Variants in CSRNP3 observed in about 807,000 individuals in gnomAD.
CSRNP3 encodes cysteine and serine rich nuclear protein 3.
Under a neutral mutation model 48.0 loss-of-function variants are expected in CSRNP3, and 12 were observed. That is an observed-to-expected ratio of 0.25 (90% CI 0.16 to 0.41). The LOEUF (loss-of-function observed/expected upper bound fraction) is 0.41, where lower values mean the gene tolerates loss of function less well. CSRNP3 is among the 10% of genes least tolerant of loss of function. The pLI is 1.00. For missense variants in CSRNP3, 580 were observed against 724.4 expected (o/e 0.80, Z 2.29); for synonymous variants, 263 against 269.7 (o/e 0.98, Z 0.24).
intron 3 of CSRNP3, among the ~76,000 whole-genome samples, chr2:165,544,146 G>A (rs1684993509): frequency 6.6e-6 from 1 of 152,010 alleles, no homozygotes; most frequent in African/African-American, 2.4e-5. Flanking sequence ...CAGAGTAGAG[G>A]GGCAGAGTGA....
At chr2:165,528,040 T>C (rs1318942628) in intron 3 of CSRNP3, among the ~76,000 whole-genome samples, 1 of 152,132 alleles carries the variant, frequency 6.6e-6, no homozygotes, top group Non-Finnish European at 1.5e-5. Context: ...TGAACAGTAG[T>C]CAAAGAAATA....
chr2:165,605,512 A>G (rs1206359811), intron 4 of CSRNP3, among the ~76,000 whole-genome samples: 2 of 152,168 alleles, frequency 1.3e-5, no homozygotes, highest in African/African-American at 2.4e-5. Context: ...AATAACCCAG[A>G]AAAATAGAGC....
chr2:165,584,233 T>G (rs1397055856), intron 3 of CSRNP3, among the ~76,000 whole-genome samples: 1 of 152,166 alleles, frequency 6.6e-6, no homozygotes, highest in African/African-American at 2.4e-5. Context: ...TCTGTTCCCT[T>G]AACTGTAAAC....
intron 3 of CSRNP3, among the ~76,000 whole-genome samples, chr2:165,539,761 A>G (rs1004461491): frequency 3.3e-5 from 5 of 152,106 alleles, no homozygotes; most frequent in Admixed American, 3.3e-4. Flanking sequence ...AGAAGTAAGA[A>G]TAACAGTAAT....
chr2:165,500,737 C>T (rs748521676), intron 2 of CSRNP3, among the ~76,000 whole-genome samples: 33 of 152,118 alleles, frequency 2.2e-4, no homozygotes, highest in Middle Eastern at 6.8e-3. Context: ...GGATTACAGG[C>T]GTGAACCACC....
intron 3 of CSRNP3, among the ~76,000 whole-genome samples, chr2:165,536,787 G>A (rs1430789411): frequency 2.0e-5 from 3 of 151,798 alleles, no homozygotes; most frequent in Non-Finnish European, 1.5e-5. Flanking sequence ...GTTCTTTCAT[G>A]TGTGCCAGTT....
intron 1 of CSRNP3, among the ~76,000 whole-genome samples, chr2:165,488,229 T>C (rs1186709329): frequency 9.6e-6 from 1 of 104,496 alleles, no homozygotes; most frequent in African/African-American, 3.9e-5. Context: ...AGGGATCAAT[T>C]CAACAAGAGG....
intron 3 of CSRNP3, among the ~76,000 whole-genome samples, chr2:165,533,295 A>G (rs564329822): frequency 6.6e-6 from 1 of 152,216 alleles, no homozygotes; most frequent in East Asian, 1.9e-4. Context: ...AGTTGTAAAT[A>G]CAAAAGTTCA....
At chr2:165,510,371 A>G (rs1684485873) in intron 2 of CSRNP3, among the ~76,000 whole-genome samples, 1 of 152,048 alleles carries the variant, frequency 6.6e-6, no homozygotes, top group Admixed American at 6.6e-5. Flanking sequence ...AGACTCATAT[A>G]TATTTATTTT....
chr2:165,651,974 G>A (rs2105342361), intron 4 of CSRNP3, among the ~76,000 whole-genome samples: 1 of 152,066 alleles, frequency 6.6e-6, no homozygotes, highest in East Asian at 1.9e-4. Context: ...TTCTTTTAAG[G>A]ATAGGTAGCT....
intron 4 of CSRNP3, among the ~76,000 whole-genome samples, chr2:165,633,002 A>G (rs1214786529): frequency 3.9e-5 from 6 of 152,180 alleles, no homozygotes; most frequent in African/African-American, 1.2e-4. Context: ...ATATTTGAAC[A>G]TTTTCTTATG....
intron 3 of CSRNP3, among the ~76,000 whole-genome samples, chr2:165,535,906 A>T (rs1177884946): frequency 1.3e-5 from 2 of 151,884 alleles, no homozygotes; most frequent in Admixed American, 1.3e-4. Flanking sequence ...TCATTCTAGA[A>T]ACACCAGAAT....
At chr2:165,678,213 C>A (rs1687460973) in intron 6 of CSRNP3, among the ~76,000 whole-genome samples, 1 of 151,996 alleles carries the variant, frequency 6.6e-6, no homozygotes, top group Admixed American at 6.6e-5. Flanking sequence ...TAAGCAAAAG[C>A]AAAAGGAAAA....
chr2:165,494,428 C>G (rs1684259179), intron 1 of CSRNP3, among the ~76,000 whole-genome samples: 1 of 152,104 alleles, frequency 6.6e-6, no homozygotes, highest in African/African-American at 2.4e-5. Context: ...AATGACAACA[C>G]ACGATTTACT....
chr2:165,471,188 G>A (rs1429883014), intron 1 of CSRNP3, among the ~76,000 whole-genome samples: 1 of 151,884 alleles, frequency 6.6e-6, no homozygotes, highest in Non-Finnish European at 1.5e-5. Flanking sequence ...TGTTTATATG[G>A]TTAAGTGTCA....
At chr2:165,642,183 A>G (rs1347131243) in intron 4 of CSRNP3, among the ~76,000 whole-genome samples, 1 of 151,834 alleles carries the variant, frequency 6.6e-6, no homozygotes, top group Non-Finnish European at 1.5e-5. Context: ...CACCCTGTAG[A>G]TGTGAAAGCA....
In CSRNP3 at chr2:165,575,870, G is replaced by T. The variant is rs533094676; in HGVS notation, c.-23-19173G>T. On this transcript the variant is annotated intron_variant, in intron 3 of 6. Transcript: ENST00000651982. ...ATTTAGGAAAAGGAATTCATGTTTT[G>T]TATGAGCTTTTAAAAAATTCAAAAA... 3.9e-5 allele frequency among the ~76,000 whole-genome samples: 6 copies of T among 151,968 alleles called. No individual in the cohort carries two copies. The East Asian group carries it at 1.2e-3, about 29-fold the overall frequency.
intron 3 of CSRNP3, among the ~76,000 whole-genome samples, chr2:165,548,964 C>T (rs1371902130): frequency 6.6e-6 from 1 of 150,922 alleles, no homozygotes; most frequent in Non-Finnish European, 1.5e-5. Context: ...CACTGCTTAC[C>T]TTCCTTTTAA....
chr2:165,560,990 A>G (rs573845599), intron 3 of CSRNP3, among the ~76,000 whole-genome samples: 1 of 152,202 alleles, frequency 6.6e-6, no homozygotes, highest in African/African-American at 2.4e-5. Context: ...CCACTTTTGC[A>G]TAGTGGATTT....
Sources: allele counts gnomAD v4.1 joint callset (sites outside exome capture counted in the v4.1 genomes callset), GRCh38; gene constraint gnomAD v4.1.1; transcripts MANE v1.5; gene names NCBI Gene and HGNC (gene_info 2026-07-23, HGNC 2026-07-21).